Variants in NOP9 observed in about 807,000 individuals in gnomAD.
NOP9 encodes the protein NOP9 nucleolar protein, also known as nucleolar protein 9.
A neutral mutation model predicts 63.0 loss-of-function variants in NOP9; 50 were observed. The observed-to-expected ratio is 0.79, with a 90% CI of 0.63 to 1.00. The LOEUF (loss-of-function observed/expected upper bound fraction) is 1.00, where lower values mean the gene tolerates loss of function less well. Among genes scored for constraint, NOP9 ranks in the 50% least tolerant of loss-of-function variants. The pLI, the probability that NOP9 is intolerant of heterozygous loss-of-function variation, is 0.00. For synonymous variants in NOP9, 343 were observed against 332.8 expected (o/e 1.03, Z -0.33); for missense variants, 758 against 803.0 (o/e 0.94, Z 0.68).
chr14:24,280,152 G>A, the NOP9 span, among the ~76,000 whole-genome samples: 2 of 152,352 alleles, frequency 1.3e-5, no homozygotes, highest in Non-Finnish European at 2.9e-5. Context: ...CTGCCTCACT[G>A]AGCATACAGG....
the NOP9 span, among the ~76,000 whole-genome samples, chr14:24,289,734 T>G: frequency 6.6e-6 from 1 of 152,216 alleles, no homozygotes; most frequent in African/African-American, 2.4e-5. Flanking sequence ...TCATGGGACA[T>G]GTACTGTCGC....
At chr14:24,304,902 C>T in intron 9 of NOP9, 36 bp from the exon 10 acceptor site, 2 of 1,496,104 alleles carry the variant, frequency 1.3e-6, no homozygotes, top group African/African-American at 1.4e-5. Context: ...TGTCTTTGAG[C>T]ATGGTAGTAC....
chr14:24,279,398 GT>G, the NOP9 span, among the ~76,000 whole-genome samples: 1 of 152,348 alleles, frequency 6.6e-6, no homozygotes, highest in African/African-American at 2.4e-5. Context: ...GCCCATGGGG[GT>G]TGCCACGTGC....
intron 1 of NOP9, 21 bp downstream of exon 1, chr14:24,300,222 T>G: frequency 6.2e-7 from 1 of 1,611,608 alleles, no homozygotes; most frequent in Non-Finnish European, 8.5e-7. Flanking sequence ...ACTTCGGGGT[T>G]TAGACCAAGA....
At position 24,307,986 on chromosome 14, in the gene NOP9, C is replaced by T; in HGVS notation, c.*2891C>T. Reference sequence around the variant, plus strand: ...CAGGACAAGGTGGGAATGAGTCAAGCCTGGACTCTGGCCCCCCTGCCTGGC... The same window carrying T: ...CAGGACAAGGTGGGAATGAGTCAAGTCTGGACTCTGGCCCCCCTGCCTGGC... On this transcript the variant is annotated 3_prime_UTR_variant, in exon 10 of 10. Coordinates refer to ENST00000267425, the MANE Select transcript of NOP9 (RefSeq NM_174913.3). The T allele has an allele frequency of 1.2e-6, 1 of 865,322 alleles. No homozygotes were observed. Among genetic ancestry groups the T allele is most frequent in the East Asian group, 2.7e-5 (1 of 37,212 alleles). The allele number at this position is 865,322 out of a possible 1,614,324, so 53.6% of individuals were successfully genotyped here. A position where few individuals can be genotyped will look rare whatever the true frequency, so the allele number is the denominator to read the frequency against.
the NOP9 span, among the ~76,000 whole-genome samples, chr14:24,284,457 G>T: frequency 2.0e-5 from 3 of 152,192 alleles, no homozygotes; most frequent in Non-Finnish European, 4.4e-5. Context: ...GCACAGGCAG[G>T]TGATAGGGCT....
chr14:24,305,783 G>C lies in NOP9; in HGVS notation c.*688G>C. The C allele has an allele frequency of 6.2e-7, 1 of 1,609,822 alleles. No homozygotes were observed. The highest frequency in any genetic ancestry group is 1.1e-5 in the South Asian group (1 of 90,550). The stretch of plus-strand genomic sequence containing the variant: ...GGAGCTCCCTGAATGGCAGAGACAA[G>C]AGGAAATCAGATGATTTGGAAAACT... On this transcript the variant is annotated 3_prime_UTR_variant, in exon 10 of 10. Coordinates refer to ENST00000267425, the MANE Select transcript of NOP9 (RefSeq NM_174913.3).
Position 24,307,890 on chromosome 14 carries a change from C to G in NOP9, c.*2795C>G. The G allele has an allele frequency of 6.4e-7, 1 of 1,566,742 alleles. No homozygotes were observed. The highest frequency in any genetic ancestry group is 8.7e-7 in the Non-Finnish European group (1 of 1,153,380). On this transcript the variant is annotated 3_prime_UTR_variant, in exon 10 of 10. Transcript: ENST00000267425. ...CCGGAGAGTTCCTTCCCTGGAACTTCTGGGCTGGGTGGTTCTCTCCTGTGC... is the reference window on the plus strand; with the variant it reads ...CCGGAGAGTTCCTTCCCTGGAACTTGTGGGCTGGGTGGTTCTCTCCTGTGC...
At position 24,308,235 on chromosome 14, in the gene NOP9, T is replaced by G. The variant is rs2041582219; in HGVS notation, c.*3140T>G. ...TGGGGACGGTTTCTGGCTCTCAGGC[T>G]CTGAGAAGCTGCAGTTTATGAGTGG... is the stretch of plus-strand genomic sequence containing the variant. On this transcript the variant is annotated 3_prime_UTR_variant, in exon 10 of 10. Coordinates refer to ENST00000267425, the MANE Select transcript of NOP9 (RefSeq NM_174913.3). 3.4e-6 allele frequency: 1 copy of G among 291,492 alleles called. No homozygotes were observed. The highest frequency in any genetic ancestry group is 2.2e-5 in the African/African-American group (1 of 45,986). The allele number at this position is 291,492 out of a possible 1,614,324, so 18.1% of individuals were successfully genotyped here.
At chr14:24,304,010 G>A (rs1462800300) in intron 7 of NOP9, 31 bp from the exon 8 acceptor site, 1 of 1,601,384 alleles carries the variant, frequency 6.2e-7, no homozygotes, top group Non-Finnish European at 8.6e-7. Flanking sequence ...GCTTGTTGGT[G>A]CCTCCTAATT....
Position 24,300,359 on chromosome 14 carries a change from T to C in NOP9, c.248-49T>C. ...CCTTGGTTAAGCGAGGGTACATAAC[T>C]GTATTCTCTACTAAGTCTCTTCAAA... On this transcript the variant is annotated intron_variant, in intron 1 of 9. Coordinates refer to ENST00000267425, the MANE Select transcript of NOP9 (RefSeq NM_174913.3). 3.2e-6 allele frequency: 5 copies of C among 1,578,642 alleles called. No homozygotes were observed. The South Asian group carries it at 5.7e-5, about 18-fold the overall frequency.
chr14:24,276,512 A>G, the NOP9 span, among the ~76,000 whole-genome samples: 1 of 151,714 alleles, frequency 6.6e-6, no homozygotes, highest in Admixed American at 6.6e-5. Context: ...CTGGTCTCCA[A>G]CTCCTGGCCT....
rs967728951 is a variant in NOP9, at chr14:24,307,197, G to T, written c.*2102G>T. On this transcript the variant is annotated 3_prime_UTR_variant, in exon 10 of 10. Transcript: ENST00000267425. ...CTGCTCCCATAGAAAAGCTCACTCG[G>T]TGGAAAATGAACAAATTGACCAGAG... The T allele has an allele frequency of 1.3e-5, 8 of 636,492 alleles. No individual in the cohort carries two copies. The highest frequency in any genetic ancestry group is 2.1e-5 in the Non-Finnish European group (8 of 379,914). 39.4% of individuals were successfully genotyped at this position (636,492 alleles called of 1,614,324 possible). A position where few individuals can be genotyped will look rare whatever the true frequency, so the allele number is the denominator to read the frequency against.
In NOP9 at chr14:24,304,090, C is replaced by G; in HGVS notation, c.1460C>G (p.Ser487Cys). ...RALGDVTVLG[S>C]LLLQHLLHFS... ...TTGGGGGATGTGACAGTCCTTGGGT[C>G]TCTACTGCTCCAGCATCTGCTGCAC... is the stretch of plus-strand genomic sequence containing the variant. The change falls in exon 8 of 10, where the codon TCT (serine) becomes TGT (cysteine). Residue 487 changes from serine to cysteine, a missense_variant. Transcript: ENST00000267425. 6.2e-7 allele frequency: 1 copy of G among 1,614,216 alleles called. No individual in the cohort carries two copies. Among genetic ancestry groups the G allele is most frequent in the South Asian group, 1.1e-5 (1 of 91,082 alleles).
At chr14:24,292,800 A>G in the NOP9 span, 23 of 1,607,502 alleles carry the variant, frequency 1.4e-5, no homozygotes, top group African/African-American at 2.5e-4. Context: ...AGGTGGGGCA[A>G]GGGAAGAAGG....
At chr14:24,278,738 G>A in the NOP9 span, among the ~76,000 whole-genome samples, 1 of 152,202 alleles carries the variant, frequency 6.6e-6, no homozygotes, top group Admixed American at 6.5e-5. Context: ...ACTTTGGGAT[G>A]CACTAAGAGA....
chr14:24,305,538 AGCCTGTACTGTCT>A lies in NOP9; in HGVS notation c.*446_*458del. ...AGTGGGGAAATTGGGTGGGTTATCT[AGCCTGTACTGTCT>A]GCAGGTCCTGAAATTTGATGCTGTC... On this transcript the variant is annotated 3_prime_UTR_variant, in exon 10 of 10. Coordinates refer to ENST00000267425, the MANE Select transcript of NOP9 (RefSeq NM_174913.3). The A allele has an allele frequency of 1.3e-6, 2 of 1,494,736 alleles. No homozygotes were observed. Among genetic ancestry groups the A allele is most frequent in the Non-Finnish European group, 1.8e-6 (2 of 1,106,950 alleles). 92.6% of individuals were successfully genotyped at this position (1,494,736 alleles called of 1,614,324 possible).
In NOP9 at chr14:24,305,780, C is replaced by A; in HGVS notation, c.*685C>A. 2 of 1,611,104 alleles carry A rather than the reference C, an allele frequency of 1.2e-6. No homozygotes were observed. The highest frequency in any genetic ancestry group is 1.7e-6 in the Non-Finnish European group (2 of 1,178,760). On this transcript the variant is annotated 3_prime_UTR_variant, in exon 10 of 10. Transcript: ENST00000267425. Reference sequence around the variant, plus strand: ...GAAGGAGCTCCCTGAATGGCAGAGACAAGAGGAAATCAGATGATTTGGAAA... The same window carrying A: ...GAAGGAGCTCCCTGAATGGCAGAGAAAAGAGGAAATCAGATGATTTGGAAA...
In NOP9 at chr14:24,306,761, T is replaced by C. The variant is rs1276235567; in HGVS notation, c.*1666T>C. 7 of 544,598 alleles carry C rather than the reference T, an allele frequency of 1.3e-5. No homozygotes were observed. The highest frequency in any genetic ancestry group is 2.0e-5 in the Non-Finnish European group (6 of 304,260). 33.7% of individuals were successfully genotyped at this position (544,598 alleles called of 1,614,324 possible). A position where few individuals can be genotyped will look rare whatever the true frequency, so the allele number is the denominator to read the frequency against. Reference sequence around the variant, plus strand: ...CCATGTCATTGGCATCTCCCCTTGCTCCCCTCCAAGTCACTTCTGGTTTGG... The same window carrying C: ...CCATGTCATTGGCATCTCCCCTTGCCCCCCTCCAAGTCACTTCTGGTTTGG... On this transcript the variant is annotated 3_prime_UTR_variant, in exon 10 of 10. Transcript: ENST00000267425.
Sources: gnomAD v4.1 joint callset for allele counts (sites outside exome capture counted in the v4.1 genomes callset) on GRCh38, gnomAD v4.1.1 for gene constraint, MANE v1.5 for transcripts, NCBI Gene and HGNC (gene_info 2026-07-23, HGNC 2026-07-21) for gene names.